The following PCSK5 variants were observed in gnomAD, a reference collection of about 807,000 sequenced individuals.
PCSK5 encodes prohormone convertase 5.
A neutral mutation model predicts 233.2 loss-of-function variants in PCSK5; 129 were observed. The ratio of observed to expected loss-of-function variants is 0.55; its 90% confidence interval spans 0.48 to 0.64. The LOEUF (loss-of-function observed/expected upper bound fraction) is 0.64. Ranked by LOEUF, PCSK5 falls within the 30% of genes least tolerant of loss-of-function variation. The pLI is 0.00. For missense variants in PCSK5, 2,076 were observed against 2,430.1 expected (o/e 0.85, Z 3.06); for synonymous variants, 825 against 879.2 (o/e 0.94, Z 1.09).
intron 14 of PCSK5, among the ~76,000 whole-genome samples, chr9:76,178,432 T>C (rs1323877578): frequency 6.6e-6 from 1 of 152,156 alleles, no homozygotes; most frequent in African/African-American, 2.4e-5. Flanking sequence ...GTTGATCCCC[T>C]CTCCTCACCA....
chr9:76,159,672 C>T (rs1375200628), intron 12 of PCSK5, among the ~76,000 whole-genome samples: 3 of 152,248 alleles, frequency 2.0e-5, no homozygotes, highest in Admixed American at 6.5e-5. Flanking sequence ...CTCTGCCATT[C>T]GAGTACAGAA....
At chr9:76,169,521 A>G (rs1305734786) in intron 12 of PCSK5, among the ~76,000 whole-genome samples, 183 bp from the exon 13 acceptor site, 5 of 151,904 alleles carry the variant, frequency 3.3e-5, no homozygotes, top group Non-Finnish European at 7.4e-5. Flanking sequence ...CTGTGGTAAA[A>G]CAATGATTTA....
intron 3 of PCSK5, among the ~76,000 whole-genome samples, chr9:76,015,601 C>G (rs1456495844): frequency 6.6e-6 from 1 of 152,116 alleles, no homozygotes; most frequent in Non-Finnish European, 1.5e-5. Context: ...GATGGGTGAG[C>G]AGAAAAACAC....
chr9:76,359,796 C>A lies in PCSK5; in HGVS notation c.*874C>A, dbSNP rs1020262861. 1 of 152,074 alleles carries A rather than the reference C, an allele frequency of 6.6e-6. No individual in the cohort carries two copies. Among genetic ancestry groups the A allele is most frequent in the African/African-American group, 2.4e-5 (1 of 41,400 alleles). 9.4% of individuals were successfully genotyped at this position (152,074 alleles called of 1,614,324 possible). ...GGAATAAAATGACAAACACTTCATC[C>A]GCTCTAAAAAATTCAGAGCTTTCCT... On this transcript the variant is annotated 3_prime_UTR_variant, in exon 38 of 38. Transcript: ENST00000674117.
At chr9:76,214,326 ATG>A in intron 20 of PCSK5, among the ~76,000 whole-genome samples, 1 of 151,840 alleles carries the variant, frequency 6.6e-6, no homozygotes, top group Non-Finnish European at 1.5e-5. Context: ...ACACACACAT[ATG>A]TGTGTGTGCA....
intron 5 of PCSK5, among the ~76,000 whole-genome samples, chr9:76,038,544 A>G (rs1012144125): frequency 6.6e-6 from 1 of 152,178 alleles, no homozygotes; most frequent in Admixed American, 6.5e-5. Flanking sequence ...AGGTGTTGTT[A>G]TACTTGAAAC....
chr9:75,895,281 T>TA (rs955031539), intron 1 of PCSK5, among the ~76,000 whole-genome samples: 1 of 152,180 alleles, frequency 6.6e-6, no homozygotes, highest in Non-Finnish European at 1.5e-5. Flanking sequence ...AATCTCTAGA[T>TA]AATAGAGTGA....
chr9:76,329,205 G>A (rs1187890637), intron 33 of PCSK5, among the ~76,000 whole-genome samples: 1 of 151,878 alleles, frequency 6.6e-6, no homozygotes, highest in Non-Finnish European at 1.5e-5. Context: ...GCACGATCAT[G>A]GTTCACTGCA....
Position 75,891,294 on chromosome 9 carries a change from A to T in PCSK5, c.113A>T (p.His38Leu). The T allele has an allele frequency of 6.4e-7, 1 of 1,554,566 alleles. No homozygotes were observed. Among genetic ancestry groups the T allele is most frequent in the Non-Finnish European group, 8.7e-7 (1 of 1,156,052 alleles). Reference sequence around the variant, plus strand: ...TGTCGGACGCGCGTCTACACCAACCACTGGGCAGTCAAAATCGCCGGGGGC... The same window carrying T: ...TGTCGGACGCGCGTCTACACCAACCTCTGGGCAGTCAAAATCGCCGGGGGC... ...PVCRTRVYTN[H>L]WAVKIAGGFP... The change falls in exon 1 of 38, where the codon CAC becomes CTC. Residue 38 changes from histidine (H) to leucine (L), a missense_variant. This residue lies in a region of PCSK5 where 190 missense variants were observed against 216.3 expected (regional missense o/e 0.88). Transcript: ENST00000674117.
At chr9:76,318,012 G>T (rs1027383) in intron 30 of PCSK5, among the ~76,000 whole-genome samples, 18,677 of 152,092 alleles carry the variant, frequency 0.12, 1,277 homozygotes, top group Middle Eastern at 0.17. Flanking sequence ...ACTCACTAAT[G>T]GATCATGATA....
intron 3 of PCSK5, among the ~76,000 whole-genome samples, chr9:76,005,676 G>A (rs1295086682): frequency 6.6e-6 from 1 of 152,162 alleles, no homozygotes; most frequent in Non-Finnish European, 1.5e-5. Context: ...TTTTGTAGGT[G>A]TATTTTCAGG....
chr9:76,288,766 G>C (rs1341932981), intron 24 of PCSK5, among the ~76,000 whole-genome samples: 1 of 152,164 alleles, frequency 6.6e-6, no homozygotes, highest in African/African-American at 2.4e-5. Flanking sequence ...CCACTTGTAT[G>C]TATCCTGAAT....
intron 1 of PCSK5, among the ~76,000 whole-genome samples, chr9:75,893,167 A>G (rs1825681583): frequency 6.6e-6 from 1 of 152,138 alleles, no homozygotes; most frequent in Non-Finnish European, 1.5e-5. Context: ...TGAACATCTC[A>G]CACATGACCA....
At chr9:75,991,625 A>G (rs992084174) in intron 3 of PCSK5, among the ~76,000 whole-genome samples, 2 of 152,176 alleles carry the variant, frequency 1.3e-5, no homozygotes, top group Non-Finnish European at 2.9e-5. Flanking sequence ...TATTCTTTCA[A>G]GCTGCTCCAG....
At position 75,915,358 on chromosome 9, in the gene PCSK5, A is replaced by G. The variant is rs1466236886; in HGVS notation, c.193-17021A>G. On this transcript the variant is annotated intron_variant, in intron 1 of 37. Coordinates refer to ENST00000674117, the MANE Select transcript of PCSK5 (RefSeq NM_001372043.1). ...TAGAACTTATACAGTAACCAAATCA[A>G]GAGAATAGAGACATAGCTGCATATC... 5.3e-5 allele frequency among the ~76,000 whole-genome samples: 8 copies of G among 152,352 alleles called. No individual in the cohort carries two copies. In the East Asian group the frequency reaches 1.5e-3, roughly 29 times the overall value.
At position 75,980,882 on chromosome 9, in the gene PCSK5, G is replaced by A. The variant is rs200637232; in HGVS notation, c.298-5250G>A. On this transcript the variant is annotated intron_variant, in intron 2 of 37. Transcript: ENST00000674117. ...TACTAAAACGTTTTCTTAAGCCCTC[G>A]CTTTCCATAGCAAAAACATGTTATG... Among the ~76,000 whole-genome samples the A allele has an allele frequency of 5.5e-5, 8 of 146,690 alleles. No homozygotes were observed. In the East Asian group the frequency reaches 1.6e-3, roughly 30 times the overall value.
intron 1 of PCSK5, among the ~76,000 whole-genome samples, chr9:75,908,875 T>TTATCTATCTATCTATCTATCTATCTATC (rs58985562): frequency 8.6e-6 from 1 of 116,034 alleles, no homozygotes; most frequent in Non-Finnish European, 1.7e-5. Context: ...CTCTTTCTAT[T>TTATCTATCTATCTATCTATCTATCTATC]TATCTATCTA....
chr9:76,283,204 G>T (rs1338378595), intron 24 of PCSK5, among the ~76,000 whole-genome samples: 1 of 152,148 alleles, frequency 6.6e-6, no homozygotes, highest in Non-Finnish European at 1.5e-5. Context: ...GAATTTGAGA[G>T]GATTGACTCG....
chr9:76,340,639 CAAAAAAAAAAA>C (rs57319222), intron 35 of PCSK5, among the ~76,000 whole-genome samples: 1 of 95,388 alleles, frequency 1.0e-5, no homozygotes, highest in Admixed American at 1.3e-4. Context: ...ACGAGACTGT[CAAAAAAAAAAA>C]AAAAAAAAAC....
Sources: allele counts gnomAD v4.1 joint callset (sites outside exome capture counted in the v4.1 genomes callset), GRCh38; gene constraint gnomAD v4.1.1; regional missense constraint gnomAD v4.1.1; transcripts MANE v1.5; gene names NCBI Gene and HGNC (gene_info 2026-07-23, HGNC 2026-07-21).